ATP6V1A: variants seen among roughly 807,000 people sequenced by gnomAD.
ATP6V1A encodes V-type proton ATPase catalytic subunit A.
Under a neutral mutation model 70.1 loss-of-function variants are expected in ATP6V1A, and 18 were observed. The observed-to-expected ratio is 0.26, with a 90% CI of 0.18 to 0.38. The LOEUF (loss-of-function observed/expected upper bound fraction) is 0.38. Among genes scored for constraint, ATP6V1A ranks in the 10% least tolerant of loss-of-function variants. ATP6V1A has a pLI of 1.00. For synonymous variants in ATP6V1A, 232 were observed against 253.8 expected, an observed-to-expected ratio of 0.91 and a Z score of 0.82; for missense variants, 424 against 772.4, an observed-to-expected ratio of 0.55 and a Z score of 5.35.
chr3:113,798,734 GC>G (rs1709179462), intron 12 of ATP6V1A, among the ~76,000 whole-genome samples: 3 of 152,148 alleles, frequency 2.0e-5, no homozygotes, highest in Admixed American at 6.5e-5. Context: ...TTGTAGGAAT[GC>G]TAGGGCTAGG....
At chr3:113,787,887 G>A (rs13061150) in intron 6 of ATP6V1A, among the ~76,000 whole-genome samples, 55,418 of 151,998 alleles carry the variant, frequency 0.36, 10,174 homozygotes, top group African/African-American at 0.4. Context: ...CTTAAAAAGC[G>A]TAAACCGTCT....
chr3:113,792,255 G>C (rs904221267), intron 8 of ATP6V1A, among the ~76,000 whole-genome samples: 1 of 151,984 alleles, frequency 6.6e-6, no homozygotes, highest in African/African-American at 2.4e-5. Context: ...CTTTATCGTC[G>C]TTTACGATAG....
At chr3:113,757,468 T>C (rs2108009770) in intron 1 of ATP6V1A, among the ~76,000 whole-genome samples, 1 of 152,304 alleles carries the variant, frequency 6.6e-6, no homozygotes, top group Non-Finnish European at 1.5e-5. Flanking sequence ...TTAATCTGAG[T>C]CTTGGACAAC....
intron 14 of ATP6V1A, among the ~76,000 whole-genome samples, chr3:113,807,408 T>G (rs1219762405): frequency 3.3e-5 from 5 of 152,032 alleles, no homozygotes; most frequent in Non-Finnish European, 7.4e-5. Context: ...CTTGAACTCC[T>G]GACCTCAGGT....
rs781198898 is a variant in ATP6V1A at position 113,798,392 on chromosome 3, G to A, written c.1440G>A (p.Lys480=). 1 of 1,613,862 alleles carries A rather than the reference G, an allele frequency of 6.2e-7. No homozygotes were observed. Among genetic ancestry groups the A allele is most frequent in the Admixed American group, 1.7e-5 (1 of 59,994 alleles). ...TCGTTCCTCTGAGGACGAAAGCTAAGGAAATTCTGCAGGAAGAAGAAGACC... is the reference window on the plus strand; with the variant it reads ...TCGTTCCTCTGAGGACGAAAGCTAAAGAAATTCTGCAGGAAGAAGAAGACC... ...TEFVPLRTKA[K]EILQEEEDLA... Residue 480 remains lysine, a synonymous_variant, in exon 12 of 15, where the codon AAG becomes AAA. Transcript: ENST00000273398.
At chr3:113,808,500 GC>G (rs1709304964) in intron 14 of ATP6V1A, among the ~76,000 whole-genome samples, 1 of 151,832 alleles carries the variant, frequency 6.6e-6, no homozygotes, top group Non-Finnish European at 1.5e-5. Context: ...CACCATGTTG[GC>G]CAGGATGGTC....
chr3:113,778,659 C>A, intron 1 of ATP6V1A, 82 bp from the exon 2 acceptor site: 1 of 641,710 alleles, frequency 1.6e-6, no homozygotes, highest in Non-Finnish European at 2.5e-6. Flanking sequence ...AGAGTGGTCT[C>A]ATCTTAGTGG....
intron 1 of ATP6V1A, among the ~76,000 whole-genome samples, chr3:113,753,102 G>C (rs1011589842): frequency 5.9e-5 from 9 of 152,110 alleles, no homozygotes; most frequent in Non-Finnish European, 1.2e-4. Context: ...GTTAACCATT[G>C]AAAGAACTCT....
intron 1 of ATP6V1A, among the ~76,000 whole-genome samples, chr3:113,747,843 TGTG>T (rs1708540992): frequency 6.6e-6 from 1 of 152,140 alleles, no homozygotes; most frequent in Admixed American, 6.5e-5. Flanking sequence ...ATTGTGGTGT[TGTG>T]GTGTGCAGGA....
intron 13 of ATP6V1A, among the ~76,000 whole-genome samples, 156 bp downstream of exon 13, chr3:113,803,833 A>T (rs1167298386): frequency 2.6e-5 from 4 of 152,180 alleles, no homozygotes; most frequent in Non-Finnish European, 5.9e-5. Context: ...ACATGATCTA[A>T]TATGTCCCCT....
chr3:113,767,729 G>A (rs926185548), intron 1 of ATP6V1A, among the ~76,000 whole-genome samples: 2 of 151,990 alleles, frequency 1.3e-5, no homozygotes, highest in Admixed American at 6.6e-5. Context: ...TCAGCTCGCT[G>A]CAACCTCCGC....
At chr3:113,793,442 AT>A (rs1334228225) in intron 8 of ATP6V1A, among the ~76,000 whole-genome samples, 1 of 151,980 alleles carries the variant, frequency 6.6e-6, no homozygotes, top group Non-Finnish European at 1.5e-5. Flanking sequence ...TTATCTCTTG[AT>A]TTTGTCTGAG....
intron 8 of ATP6V1A, among the ~76,000 whole-genome samples, chr3:113,791,531 A>G (rs1433255573): frequency 6.6e-6 from 1 of 151,638 alleles, no homozygotes; most frequent in Non-Finnish European, 1.5e-5. Flanking sequence ...ATTTATTATT[A>G]CTATTACTCA....
intron 2 of ATP6V1A, among the ~76,000 whole-genome samples, chr3:113,779,667 GT>G (rs536967061): frequency 6.6e-4 from 101 of 152,222 alleles, no homozygotes; most frequent in Non-Finnish European, 1.3e-3. Context: ...TCATTAAAAG[GT>G]TATCAGTATC....
chr3:113,781,488 A>T (rs35468934), intron 3 of ATP6V1A, among the ~76,000 whole-genome samples: 3,458 of 152,304 alleles, frequency 0.023, 68 homozygotes, highest in Non-Finnish European at 0.036. Flanking sequence ...ACTGCACTCC[A>T]GCCTGGGCAA....
chr3:113,776,922 A>G (rs1708920190), intron 1 of ATP6V1A, among the ~76,000 whole-genome samples: 1 of 152,032 alleles, frequency 6.6e-6, no homozygotes, highest in Admixed American at 6.6e-5. Flanking sequence ...TTCTTTTTCT[A>G]CTGTGTGCAA....
intron 8 of ATP6V1A, among the ~76,000 whole-genome samples, chr3:113,791,389 T>A (rs765967000): frequency 1.5e-5 from 2 of 136,504 alleles, no homozygotes; most frequent in Non-Finnish European, 3.2e-5. Flanking sequence ...GGCTGCATTA[T>A]TAGGGTTTTT....
At chr3:113,768,453 GTCTT>G (rs1708798640) in intron 1 of ATP6V1A, among the ~76,000 whole-genome samples, 1 of 152,048 alleles carries the variant, frequency 6.6e-6, no homozygotes, top group African/African-American at 2.4e-5. Flanking sequence ...GATGTCTTTT[GTCTT>G]TCTATTTTGT....
At chr3:113,788,691 A>G in intron 6 of ATP6V1A, 22 bp from the exon 7 acceptor site, 1 of 1,605,046 alleles carries the variant, frequency 6.2e-7, no homozygotes, top group Non-Finnish European at 8.5e-7. Flanking sequence ...CAAGTAATCC[A>G]TACTTTGTTT....
Sources: allele counts gnomAD v4.1 joint callset (sites outside exome capture counted in the v4.1 genomes callset), GRCh38; gene constraint gnomAD v4.1.1; transcripts MANE v1.5; gene names NCBI Gene and HGNC (gene_info 2026-07-23, HGNC 2026-07-21).